ADGRG5: variants seen among roughly 807,000 people sequenced by gnomAD.
ADGRG5 encodes the protein adhesion G protein-coupled receptor G5.
In ADGRG5, 37 loss-of-function variants were observed where a neutral mutation model predicts 53.2. The observed-to-expected ratio is 0.70, with a 90% CI of 0.53 to 0.91. The LOEUF is 0.91. Among genes scored for constraint, ADGRG5 ranks in the 40% least tolerant of loss-of-function variants. The pLI is 0.00. For missense variants in ADGRG5, 614 were observed against 675.8 expected (o/e 0.91, Z 1.01); for synonymous variants, 277 against 290.4 (o/e 0.95, Z 0.47).
At chr16:57,549,962 G>T (rs1053268014) in intron 1 of ADGRG5, among the ~76,000 whole-genome samples, 12 of 149,658 alleles carry the variant, frequency 8.0e-5, no homozygotes, top group Admixed American at 6.8e-4. Context: ...TGTTTCTCAT[G>T]TGCTTATTTG....
At chr16:57,558,326 C>T (rs1014075228) in intron 1 of ADGRG5, among the ~76,000 whole-genome samples, 6 of 152,324 alleles carry the variant, frequency 3.9e-5, no homozygotes, top group Middle Eastern at 3.4e-3. Flanking sequence ...CTCCAAATTT[C>T]TCCAGTGGTG....
chr16:57,565,160 G>C lies in ADGRG5; in HGVS notation c.546+10G>C. The stretch of plus-strand genomic sequence containing the variant: ...GCACAACCAAAGCCTGGTACTGCTG[G>C]GGGCGCCCCCGTTTCCACTGCACCC... On this transcript the variant is annotated intron_variant, in intron 6 of 11. Transcript: ENST00000349457. 1 of 1,574,144 alleles carries C rather than the reference G, an allele frequency of 6.4e-7. No individual in the cohort carries two copies. The highest frequency in any genetic ancestry group is 8.7e-7 in the Non-Finnish European group (1 of 1,143,936).
chr16:57,538,988 C>G (rs939585670), upstream of ADGRG5, among the ~76,000 whole-genome samples: 1 of 152,248 alleles, frequency 6.6e-6, no homozygotes, highest in South Asian at 2.1e-4. Flanking sequence ...TAGCTAGAAA[C>G]GTTCTCTTTG....
At chr16:57,573,463 T>G (rs963476254) in intron 10 of ADGRG5, among the ~76,000 whole-genome samples, 5 of 144,284 alleles carry the variant, frequency 3.5e-5, no homozygotes, top group Admixed American at 6.9e-5. Flanking sequence ...GAGTGAGGCA[T>G]GAATTAAGCA....
Position 57,574,750 on chromosome 16 carries a change from G to GTA in ADGRG5, c.1209-64_1209-63insAT. On this transcript the variant is annotated intron_variant, in intron 10 of 11. Transcript: ENST00000349457. The surrounding 1 kb of genome is among the most constrained non-coding windows in gnomAD (Gnocchi z 4.4). The stretch of plus-strand genomic sequence containing the variant: ...AGGAGACCGAGTGGGGCTTCAGGGA[G>GTA]TGATGCTGGCCTCCCCGCGGGCCTG... 1 of 1,485,636 alleles carries GTA rather than the reference G, an allele frequency of 6.7e-7. No homozygotes were observed. Among genetic ancestry groups the GTA allele is most frequent in the Admixed American group, 2.1e-5 (1 of 47,186 alleles). The allele number at this position is 1,485,636 out of a possible 1,614,324, so 92.0% of individuals were successfully genotyped here.
Position 57,567,468 on chromosome 16 carries a change from A to C in ADGRG5, c.700-2A>C, listed in dbSNP as rs1567622096. ...GCCTCCAGCCCCTCTTCCCTCCTGC[A>C]GCAACTCTCCCCAGCCCTGGTCCCT... On this transcript the variant is annotated splice_acceptor_variant, in intron 7 of 11. Transcript: ENST00000349457. LOFTEE classifies it high-confidence loss of function. The C allele has an allele frequency of 6.2e-7, 1 of 1,607,156 alleles. No homozygotes were observed. The highest frequency in any genetic ancestry group is 2.2e-5 in the East Asian group (1 of 44,872).
chr16:57,538,771 C>T (rs2032446341), upstream of ADGRG5, among the ~76,000 whole-genome samples: 5 of 152,308 alleles, frequency 3.3e-5, no homozygotes, highest in South Asian at 1.0e-3. Flanking sequence ...TTCTGTTTTC[C>T]TGTATTACTG....
chr16:57,562,178 TG>T, intron 2 of ADGRG5, 21 bp downstream of exon 2: 2 of 1,586,348 alleles, frequency 1.3e-6, no homozygotes, highest in Non-Finnish European at 8.6e-7. Flanking sequence ...TCTGCTGAAC[TG>T]GGGGCAGCCC....
At chr16:57,543,995 C>G (rs1216673790) in intron 1 of ADGRG5, among the ~76,000 whole-genome samples, 2 of 152,198 alleles carry the variant, frequency 1.3e-5, no homozygotes, top group Admixed American at 6.5e-5. Context: ...GCACTGAATA[C>G]TGCAACTGGT....
chr16:57,529,336 C>T, the ADGRG5 span: 19 of 1,035,590 alleles, frequency 1.8e-5, no homozygotes, highest in Non-Finnish European at 2.3e-5. The surrounding 1 kb of genome is among the most constrained non-coding windows in gnomAD (Gnocchi z 4.1). Flanking sequence ...TACGGGAGAA[C>T]ACAACCGTTA....
At position 57,574,847 on chromosome 16, in the gene ADGRG5, T is replaced by A; in HGVS notation, c.1241T>A (p.Val414Asp). The change falls in exon 11 of 12, where the codon GTC (valine) becomes GAC (aspartate). Residue 414 changes from valine to aspartate, a missense_variant. Val to Asp is a radical substitution (Grantham distance 152, BLOSUM62 -3). Transcript: ENST00000349457. The surrounding 1 kb of genome is among the most constrained non-coding windows in gnomAD (Gnocchi z 4.4). Reference sequence around the variant, plus strand: ...GTGCGGAGCCCCGTGGTGCACAGTGTCCTGGTCATGGGCTACGGCGGCCTC... The same window carrying A: ...GTGCGGAGCCCCGTGGTGCACAGTGACCTGGTCATGGGCTACGGCGGCCTC... The part of the protein sequence containing the change: ...CWVRSPVVHS[V>D]LVMGYGGLTS... 1 of 1,607,148 alleles carries A rather than the reference T, an allele frequency of 6.2e-7. No individual in the cohort carries two copies.
chr16:57,557,604 T>G (rs2032911908), intron 1 of ADGRG5, among the ~76,000 whole-genome samples: 1 of 152,208 alleles, frequency 6.6e-6, no homozygotes, highest in Non-Finnish European at 1.5e-5. Context: ...AGGATTCCAG[T>G]TACATATATA....
rs1307985688 is a variant in ADGRG5, at chr16:57,573,223, G to A, written c.1209-1592G>A. 2.6e-5 allele frequency among the ~76,000 whole-genome samples: 4 copies of A among 152,108 alleles called. No homozygotes were observed. In the East Asian group the frequency reaches 5.8e-4, roughly 22 times the overall value. ...GAGGCAGGTGGATCAACTGAGGTCA[G>A]GAGTTCGAGATCAACCTGGACAACA... is the stretch of plus-strand genomic sequence containing the variant. On this transcript the variant is annotated intron_variant, in intron 10 of 11. Transcript: ENST00000349457.
chr16:57,533,630 CCAGT>C, the ADGRG5 span, among the ~76,000 whole-genome samples: 1 of 150,624 alleles, frequency 6.6e-6, no homozygotes. Context: ...ACACACAGCC[CCAGT>C]AACACTCACA....
In ADGRG5 at chr16:57,574,169, G is replaced by T. The variant is rs1427625765; in HGVS notation, c.1209-646G>T. On this transcript the variant is annotated intron_variant, in intron 10 of 11. Transcript: ENST00000349457. This position sits in a 1 kb window ranked among gnomAD's most constrained non-coding sequence, Gnocchi z 4.4. The stretch of plus-strand genomic sequence containing the variant: ...GCAAAGGGCAGAGGCCTCCGGGAGG[G>T]CGTGGGACCGGGGCTGGCTTCGGTT... Among the ~76,000 whole-genome samples, 1 of 152,234 alleles carries T rather than the reference G, an allele frequency of 6.6e-6. No homozygotes were observed. The highest frequency in any genetic ancestry group is 1.5e-5 in the Non-Finnish European group (1 of 68,042).
chr16:57,562,667 T>A, intron 3 of ADGRG5: 1 of 579,812 alleles, frequency 1.7e-6, no homozygotes, highest in Non-Finnish European at 3.1e-6. Context: ...TAATCATAGA[T>A]GTCATGACAC....
chr16:57,551,781 T>C (rs1391672456), intron 1 of ADGRG5, among the ~76,000 whole-genome samples: 1 of 152,218 alleles, frequency 6.6e-6, no homozygotes, highest in Non-Finnish European at 1.5e-5. Context: ...GGTGAATCTT[T>C]TCCAGATTTT....
intron 10 of ADGRG5, among the ~76,000 whole-genome samples, chr16:57,572,111 C>CTT (rs34875077): frequency 9.7e-5 from 14 of 144,594 alleles, no homozygotes; most frequent in African/African-American, 3.3e-4. Context: ...GGGTTTGTGA[C>CTT]TTTTTTTTTT....
the ADGRG5 span, among the ~76,000 whole-genome samples, chr16:57,535,689 C>T: frequency 6.8e-6 from 1 of 147,358 alleles, no homozygotes; most frequent in African/African-American, 2.5e-5. Flanking sequence ...GTACAGCAGA[C>T]ATCCCGCTAG....
Sources: allele counts gnomAD v4.1 joint callset (sites outside exome capture counted in the v4.1 genomes callset), GRCh38; gene constraint gnomAD v4.1.1; non-coding constraint Gnocchi (gnomAD v3.1); transcripts MANE v1.5; gene names NCBI Gene and HGNC (gene_info 2026-07-23, HGNC 2026-07-21).